Variants in NRXN1 observed in about 807,000 individuals in gnomAD.
NRXN1 encodes neurexin-1.
NRXN1 carries 39 observed loss-of-function variants against 150.9 expected under a neutral mutation model. The observed-to-expected ratio is 0.26, with a 90% CI of 0.20 to 0.34. The LOEUF (loss-of-function observed/expected upper bound fraction) is 0.34, where lower values mean the gene tolerates loss of function less well. NRXN1 is among the 10% of genes least tolerant of loss of function. The pLI is 1.00. For missense variants in NRXN1, 1,815 were observed against 1,949.9 expected, an observed-to-expected ratio of 0.93 and a Z score of 1.30; for synonymous variants, 924 against 757.0, an observed-to-expected ratio of 1.22 and a Z score of -3.62.
At chr2:50,415,474 G>C (rs1487297999) in intron 17 of NRXN1, among the ~76,000 whole-genome samples, 1 of 152,104 alleles carries the variant, frequency 6.6e-6, no homozygotes, top group Non-Finnish European at 1.5e-5. Context: ...CTGTGATAAA[G>C]ATATCATTTG....
chr2:50,649,797 C>A (rs1429184547), intron 5 of NRXN1, among the ~76,000 whole-genome samples: 2 of 151,978 alleles, frequency 1.3e-5, no homozygotes, highest in Non-Finnish European at 2.9e-5. Context: ...AGCACTCTTG[C>A]TGGGACATGA....
chr2:50,998,800 G>A (rs1007785151), intron 2 of NRXN1, among the ~76,000 whole-genome samples: 22 of 152,074 alleles, frequency 1.4e-4, no homozygotes, highest in African/African-American at 5.3e-4. Flanking sequence ...ACAATAATGT[G>A]AATCCTTTCA....
At chr2:50,902,991 A>C (rs981011872) in intron 5 of NRXN1, among the ~76,000 whole-genome samples, 1 of 152,296 alleles carries the variant, frequency 6.6e-6, no homozygotes, top group Middle Eastern at 3.4e-3. Flanking sequence ...CAAACCAAAA[A>C]CAAGTATTTA....
Position 50,710,375 on chromosome 2 carries a change from T to C in NRXN1, c.833-86760A>G, listed in dbSNP as rs796771092. The stretch of plus-strand genomic sequence containing the variant: ...ATTTCAATTCCCACTTCTATAAATA[T>C]ACACCTGTTCTTCATTTGTGAGGCA... On this transcript the variant is annotated intron_variant, in intron 5 of 22. Transcript: ENST00000401669. Among the ~76,000 whole-genome samples, 3 of 152,178 alleles carry C rather than the reference T, an allele frequency of 2.0e-5. No homozygotes were observed. In the South Asian group the frequency reaches 6.2e-4, roughly 32 times the overall value.
At chr2:50,560,602 T>C (rs991122749) in intron 8 of NRXN1, among the ~76,000 whole-genome samples, 1 of 152,066 alleles carries the variant, frequency 6.6e-6, no homozygotes, top group Non-Finnish European at 1.5e-5. Flanking sequence ...CCGGTTAATT[T>C]TGGATTTTTA....
intron 5 of NRXN1, among the ~76,000 whole-genome samples, chr2:50,883,136 G>C (rs369816126): frequency 2.3e-4 from 35 of 151,878 alleles, no homozygotes; most frequent in African/African-American, 8.4e-4. Context: ...CTCTCTGAAA[G>C]TCTTGACCTT....
chr2:50,894,823 T>C (rs1335733526), intron 5 of NRXN1, among the ~76,000 whole-genome samples: 1 of 152,202 alleles, frequency 6.6e-6, no homozygotes, highest in Non-Finnish European at 1.5e-5. Flanking sequence ...GAAGAAAATT[T>C]AGCAATGGGA....
chr2:50,279,280 T>C (rs2071087956), intron 17 of NRXN1, among the ~76,000 whole-genome samples: 1 of 152,168 alleles, frequency 6.6e-6, no homozygotes, highest in African/African-American at 2.4e-5. Context: ...CTGTCAACAT[T>C]TTCTGTTAAA....
At position 50,495,387 on chromosome 2, in the gene NRXN1, GTGTGT is replaced by G. The variant is rs1558829241; in HGVS notation, c.3070+513_3070+517del. Among the ~76,000 whole-genome samples, 496 of 137,252 alleles carry G rather than the reference GTGTGT, an allele frequency of 3.6e-3. 1 individual carries two copies. The highest frequency in any genetic ancestry group is 0.014 in the African/African-American group (455 of 33,416). The allele number at this position is 137,252 out of a possible 152,430, so 90.0% of individuals were successfully genotyped here. Reference sequence around the variant, plus strand: ...GTGTGTGTGTGTGTGTGTGGTGTGTGTGTGTGTGTGTGTGTGTGTGTGTGTGTGTG... The same window carrying G: ...GTGTGTGTGTGTGTGTGTGGTGTGTGGTGTGTGTGTGTGTGTGTGTGTGTG... On this transcript the variant is annotated intron_variant, in intron 15 of 22. Coordinates refer to ENST00000401669, the MANE Select transcript of NRXN1 (RefSeq NM_001330078.2).
chr2:50,766,536 C>A (rs1046545965), intron 5 of NRXN1, among the ~76,000 whole-genome samples: 11 of 151,972 alleles, frequency 7.2e-5, no homozygotes, highest in African/African-American at 2.7e-4. Context: ...TTTCCTTAGA[C>A]AACAAACAGG....
In NRXN1 at chr2:50,091,606, C is replaced by T. The variant is rs1699587966; in HGVS notation, c.3547-112G>A. On this transcript the variant is annotated intron_variant, in intron 18 of 22. Coordinates refer to ENST00000401669, the MANE Select transcript of NRXN1 (RefSeq NM_001330078.2). ...TGTGCTTTGGACAACAGCTGCTTTC[C>T]TCCAATTTTACTTCTGAAAAACTAC... The T allele has an allele frequency of 5.3e-6, 6 of 1,124,960 alleles. No homozygotes were observed. In the Admixed American group the frequency reaches 9.6e-5, roughly 18 times the overall value. 69.7% of individuals were successfully genotyped at this position (1,124,960 alleles called of 1,614,324 possible).
chr2:50,212,685 C>T (rs2063121164), intron 18 of NRXN1, among the ~76,000 whole-genome samples: 1 of 151,716 alleles, frequency 6.6e-6, no homozygotes, highest in Non-Finnish European at 1.5e-5. Context: ...TCTTAGGAAA[C>T]AAATAAACCA....
intron 2 of NRXN1, among the ~76,000 whole-genome samples, chr2:50,935,002 C>T (rs754063794): frequency 2.0e-5 from 3 of 152,086 alleles, no homozygotes; most frequent in African/African-American, 7.2e-5. Context: ...AATCTAATAT[C>T]GTCTTACTCT....
At chr2:50,406,825 T>C (rs1375492934) in intron 17 of NRXN1, among the ~76,000 whole-genome samples, 2 of 152,166 alleles carry the variant, frequency 1.3e-5, no homozygotes, top group Admixed American at 6.5e-5. Context: ...GAGGTTGATA[T>C]ACTAGCCAAG....
chr2:50,246,713 G>T (rs115985742), intron 17 of NRXN1, among the ~76,000 whole-genome samples: 1,524 of 128,586 alleles, frequency 0.012, 24 homozygotes, highest in African/African-American at 0.041. Flanking sequence ...ACTTCTGCTG[G>T]TTTAGGCTTC....
intron 5 of NRXN1, among the ~76,000 whole-genome samples, chr2:50,813,667 T>A (rs1159186267): frequency 1.3e-5 from 2 of 152,164 alleles, no homozygotes; most frequent in African/African-American, 4.8e-5. Flanking sequence ...GCTAGATATG[T>A]TAAAGTACTG....
intron 17 of NRXN1, among the ~76,000 whole-genome samples, chr2:50,242,496 C>T (rs1480147844): frequency 6.6e-6 from 1 of 151,710 alleles, no homozygotes; most frequent in African/African-American, 2.4e-5. Flanking sequence ...AAGCTGAGCA[C>T]TATAGGTTCC....
intron 5 of NRXN1, among the ~76,000 whole-genome samples, chr2:50,855,314 A>G (rs1452849533): frequency 6.6e-6 from 1 of 152,084 alleles, no homozygotes; most frequent in Non-Finnish European, 1.5e-5. Flanking sequence ...CAAATATGCA[A>G]ATTAAATATT....
chr2:50,912,927 C>A (rs1684730982), intron 5 of NRXN1: 1 of 151,786 alleles, frequency 6.6e-6, no homozygotes, highest in Non-Finnish European at 1.5e-5. Flanking sequence ...CAGCTTCTCT[C>A]TTCTTCCACC....
Sources: gnomAD v4.1 joint callset for allele counts (sites outside exome capture counted in the v4.1 genomes callset) on GRCh38, gnomAD v4.1.1 for gene constraint, MANE v1.5 for transcripts, NCBI Gene and HGNC (gene_info 2026-07-23, HGNC 2026-07-21) for gene names.